The following COL14A1 variants were observed in gnomAD, a reference collection of about 807,000 sequenced individuals.
COL14A1 encodes collagen type XIV alpha 1 chain.
In COL14A1, 136 loss-of-function variants were observed where a neutral mutation model predicts 230.3. The observed-to-expected ratio is 0.59, with a 90% confidence interval of 0.51 to 0.68. The LOEUF (loss-of-function observed/expected upper bound fraction) is 0.68, where lower values mean the gene tolerates loss of function less well. COL14A1 is among the 30% of genes least tolerant of loss of function. COL14A1 has a pLI of 0.00. For synonymous variants in COL14A1, 792 were observed against 784.1 expected (o/e 1.01, Z -0.17); for missense variants, 1,976 against 2,215.8 (o/e 0.89, Z 2.17).
intron 19 of COL14A1, among the ~76,000 whole-genome samples, chr8:120,242,617 G>A (rs370287656): frequency 7.2e-5 from 11 of 152,220 alleles, no homozygotes; most frequent in African/African-American, 2.2e-4. Flanking sequence ...TGCTAGGGCC[G>A]TCTAACTCAT....
intron 47 of COL14A1, chr8:120,370,743 TG>T (rs1320405629): frequency 1.4e-6 from 2 of 1,386,964 alleles, no homozygotes; most frequent in Non-Finnish European, 1.9e-6. Context: ...ACAGGATGGA[TG>T]GGCATCTTTC....
chr8:120,136,171 T>C (rs1287712683), intron 1 of COL14A1, among the ~76,000 whole-genome samples: 1 of 152,156 alleles, frequency 6.6e-6, no homozygotes, highest in African/African-American at 2.4e-5. Context: ...TTAACATCCC[T>C]ATTTTATTCT....
At chr8:120,228,847 A>G in intron 18 of COL14A1, 78 bp downstream of exon 18, 1 of 1,237,046 alleles carries the variant, frequency 8.1e-7, no homozygotes, top group Non-Finnish European at 1.2e-6. Flanking sequence ...GGTTTTATTT[A>G]TTATTAACTA....
At chr8:120,354,241 TG>T (rs1357298374) in intron 45 of COL14A1, among the ~76,000 whole-genome samples, 1 of 91,160 alleles carries the variant, frequency 1.1e-5, no homozygotes, top group African/African-American at 4.5e-5. Flanking sequence ...GGGACTGTTG[TG>T]GGGTGGGGGG....
intron 14 of COL14A1, among the ~76,000 whole-genome samples, chr8:120,222,769 C>T (rs1428416319): frequency 8.1e-6 from 1 of 123,824 alleles, no homozygotes. Flanking sequence ...ATTCTATTCA[C>T]TCAAAAAAAA....
chr8:120,231,278 T>G (rs1349878516), intron 18 of COL14A1, among the ~76,000 whole-genome samples, 189 bp from the exon 19 acceptor site: 1 of 152,166 alleles, frequency 6.6e-6, no homozygotes, highest in East Asian at 1.9e-4. Flanking sequence ...AATTCCACTT[T>G]TATTTGCTGC....
intron 2 of COL14A1, among the ~76,000 whole-genome samples, chr8:120,156,626 G>C (rs893839300): frequency 6.6e-6 from 1 of 152,210 alleles, no homozygotes; most frequent in African/African-American, 2.4e-5. Flanking sequence ...ATGTTTCGAA[G>C]ATTAAGTGAG....
Position 120,262,908 on chromosome 8 carries a change from C to T in COL14A1, c.2910C>T (p.Thr970=), listed in dbSNP as rs773139477. The T allele has an allele frequency of 6.2e-7, 1 of 1,613,454 alleles. No individual in the cohort carries two copies. Residue 970 remains threonine (T), a synonymous_variant, in exon 24 of 48, where the codon ACC becomes ACT. Transcript: ENST00000297848. The part of the protein sequence containing the change: ...KQESTVGGGT[T]RHCFYGLQPD... ...AATCCACTGTGGGTGGAGGGACAAC[C>T]AGGCATTGCTTCTATGGACTTCAGC...
chr8:120,192,108 TG>T (rs1474770174), intron 5 of COL14A1, among the ~76,000 whole-genome samples: 2 of 152,186 alleles, frequency 1.3e-5, no homozygotes, highest in African/African-American at 4.8e-5. Flanking sequence ...CTGGTTATTT[TG>T]CTCATTAGTT....
chr8:120,289,692 A>G lies in COL14A1; in HGVS notation c.4162A>G (p.Asn1388Asp). The G allele has an allele frequency of 6.2e-7, 1 of 1,614,146 alleles. No homozygotes were observed. Among genetic ancestry groups the G allele is most frequent in the Non-Finnish European group, 8.5e-7 (1 of 1,179,980 alleles). The change falls in exon 34 of 48, where the codon AAT becomes GAT. Residue 1388 changes from asparagine to aspartate, a missense_variant. Transcript: ENST00000297848. ...VGEKAMNASA[N>D]ITSDGVEVLG... The stretch of plus-strand genomic sequence containing the variant: ...TGAGAAGGCAATGAACGCATCAGCT[A>G]ATATCACGTCAGATGGTGTAGAAGT...
At chr8:120,335,227 C>T (rs908891093) in intron 42 of COL14A1, among the ~76,000 whole-genome samples, 2 of 152,154 alleles carry the variant, frequency 1.3e-5, no homozygotes, top group African/African-American at 4.8e-5. Flanking sequence ...CCTTTGGTGG[C>T]TCTGGATTAG....
intron 25 of COL14A1, 194 bp downstream of exon 25, chr8:120,267,077 G>A: frequency 1.8e-6 from 1 of 546,038 alleles, no homozygotes; most frequent in Non-Finnish European, 3.2e-6. Context: ...CACACAAAGA[G>A]TGGATTTACT....
At chr8:120,179,225 A>G (rs1365707128) in intron 5 of COL14A1, among the ~76,000 whole-genome samples, 1 of 152,202 alleles carries the variant, frequency 6.6e-6, no homozygotes, top group African/African-American at 2.4e-5. Flanking sequence ...AGGGTATTCA[A>G]CTAGGAAAAG....
intron 1 of COL14A1, 28 bp from the exon 2 acceptor site, chr8:120,147,778 A>G: frequency 8.0e-7 from 1 of 1,243,360 alleles, no homozygotes; most frequent in South Asian, 1.3e-5. Flanking sequence ...AGCCTTCTCA[A>G]AAATGTTCCT....
In COL14A1 at chr8:120,206,996, A is replaced by G. The variant is rs1273435333; in HGVS notation, c.1093A>G (p.Thr365Ala). The G allele has an allele frequency of 1.9e-6, 3 of 1,613,694 alleles. No homozygotes were observed. The African/African-American group carries it at 4.0e-5, about 22-fold the overall frequency. Residue 365 changes from threonine to alanine, a missense_variant, in exon 10 of 48, where the codon ACT becomes GCT. Transcript: ENST00000297848. ...PPTELITSEV[T>A]ARSFMVNWTH... ...TACGGAGTTGATTACTTCTGAAGTC[A>G]CTGCCAGAAGCTTTATGGTTAACTG... is the stretch of plus-strand genomic sequence containing the variant.
intron 16 of COL14A1, 68 bp downstream of exon 16, chr8:120,226,834 G>A: frequency 6.9e-7 from 1 of 1,449,926 alleles, no homozygotes; most frequent in East Asian, 2.3e-5. Context: ...TGCTGGAGTT[G>A]GTCTTCACTT....
Position 120,314,025 on chromosome 8 carries a change from C to T in COL14A1, c.4549C>T (p.Pro1517Ser), listed in dbSNP as rs868587706. The T allele has an allele frequency of 6.2e-7, 1 of 1,603,292 alleles. No individual in the cohort carries two copies. The highest frequency in any genetic ancestry group is 1.3e-5 in the African/African-American group (1 of 74,330). The change falls in exon 38 of 48, where the codon CCC becomes TCC. Residue 1517 changes from proline (P) to serine (S), a missense_variant and splice_region_variant. Around this residue, in one of 3 missense-constraint regions of COL14A1, gnomAD observed 1,791 missense variants for 2,019.5 expected, o/e 0.89. Coordinates refer to ENST00000297848, the MANE Select transcript of COL14A1 (RefSeq NM_021110.4). ...GPSGLSIQGM[P>S]GMPGEKGEKG... ...AAGTGGTCTGTCCATTCAAGGAATGCCCGTGAGTTGTGTTCAAACATTCAG... is the reference window on the plus strand; with the variant it reads ...AAGTGGTCTGTCCATTCAAGGAATGTCCGTGAGTTGTGTTCAAACATTCAG...
intron 26 of COL14A1, among the ~76,000 whole-genome samples, chr8:120,272,107 C>T (rs945480269): frequency 6.6e-6 from 1 of 151,566 alleles, no homozygotes; most frequent in Non-Finnish European, 1.5e-5. Flanking sequence ...TTTGCAGAAA[C>T]CTTACAAGAC....
At chr8:120,160,712 G>T (rs927760627) in intron 3 of COL14A1, among the ~76,000 whole-genome samples, 1 of 152,180 alleles carries the variant, frequency 6.6e-6, no homozygotes, top group African/African-American at 2.4e-5. Flanking sequence ...ACATTTAGCT[G>T]CAAAATGTTT....
Sources: gnomAD v4.1 joint callset for allele counts (sites outside exome capture counted in the v4.1 genomes callset) on GRCh38, gnomAD v4.1.1 for gene constraint, gnomAD v4.1.1 regional missense constraint, MANE v1.5 for transcripts, NCBI Gene and HGNC (gene_info 2026-07-23, HGNC 2026-07-21) for gene names.